HMGCLL1: variants seen among roughly 807,000 people sequenced by gnomAD.
The protein encoded by HMGCLL1 is 3-hydroxymethyl-3-methylglutaryl-CoA lyase, cytoplasmic.
Under a neutral mutation model 39.1 loss-of-function variants are expected in HMGCLL1, and 36 were observed. The observed-to-expected ratio is 0.92, with a 90% CI of 0.71 to 1.22. HMGCLL1 has a LOEUF of 1.22. Among genes scored for constraint, HMGCLL1 ranks in the 50% most tolerant of loss-of-function variants. The pLI is 0.00. For missense variants in HMGCLL1, 451 were observed against 416.5 expected, an observed-to-expected ratio of 1.08 and a Z score of -0.72; for synonymous variants, 149 against 144.0, an observed-to-expected ratio of 1.03 and a Z score of -0.25.
the HMGCLL1 span, among the ~76,000 whole-genome samples, chr6:55,603,967 C>T: frequency 6.6e-6 from 1 of 152,106 alleles, no homozygotes; most frequent in Non-Finnish European, 1.5e-5. Context: ...TCCATAAGTA[C>T]ATACAAAAAT....
At chr6:55,651,664 G>T in the HMGCLL1 span, among the ~76,000 whole-genome samples, 1 of 152,010 alleles carries the variant, frequency 6.6e-6, no homozygotes, top group Non-Finnish European at 1.5e-5. Context: ...AGCTGCCTAG[G>T]AATTGTAGTC....
chr6:55,452,832 A>T (rs983977460), intron 7 of HMGCLL1, among the ~76,000 whole-genome samples: 1 of 152,176 alleles, frequency 6.6e-6, no homozygotes, highest in Non-Finnish European at 1.5e-5. Flanking sequence ...AACTAGCATC[A>T]TTAAGTTAAT....
chr6:55,566,177 T>C (rs537770783), intron 1 of HMGCLL1, among the ~76,000 whole-genome samples: 7 of 152,118 alleles, frequency 4.6e-5, no homozygotes, highest in Non-Finnish European at 7.4e-5. Flanking sequence ...GGGTTACAGA[T>C]GTATGAAAGT....
chr6:55,498,876 C>A (rs1014237983), intron 6 of HMGCLL1, among the ~76,000 whole-genome samples: 8 of 152,092 alleles, frequency 5.3e-5, no homozygotes, highest in African/African-American at 1.9e-4. Flanking sequence ...GCTGCCTAAG[C>A]AACCAAGGAA....
the HMGCLL1 span, among the ~76,000 whole-genome samples, chr6:55,640,074 A>G: frequency 2.6e-5 from 4 of 152,184 alleles, no homozygotes; most frequent in African/African-American, 9.6e-5. Context: ...ATGAAACTCC[A>G]TCTCAAAAAG....
chr6:55,563,961 C>T lies in HMGCLL1; in HGVS notation c.108+14987G>A, dbSNP rs1316631236. 6.2e-6 allele frequency: 6 copies of T among 971,098 alleles called. No individual in the cohort carries two copies. In the Admixed American group the frequency reaches 1.4e-4, roughly 23 times the overall value. The allele number at this position is 971,098 out of a possible 1,614,324, so 60.2% of individuals were successfully genotyped here. A position where few individuals can be genotyped will look rare whatever the true frequency, so the allele number is the denominator to read the frequency against. The stretch of plus-strand genomic sequence containing the variant: ...AGCTGTTGAAACAGGGCATTGAAAA[C>T]TTCTGGCTACCTCAACATTCAGCAC... On this transcript the variant is annotated intron_variant, in intron 1 of 8. Transcript: ENST00000274901.
chr6:55,651,288 G>A, the HMGCLL1 span, among the ~76,000 whole-genome samples: 1 of 152,040 alleles, frequency 6.6e-6, no homozygotes, highest in Non-Finnish European at 1.5e-5. Flanking sequence ...CATGTTAGAC[G>A]AAGTGCAGCT....
chr6:55,457,368 C>T (rs1015605049), intron 7 of HMGCLL1, among the ~76,000 whole-genome samples: 1 of 152,076 alleles, frequency 6.6e-6, no homozygotes, highest in Admixed American at 6.6e-5. Flanking sequence ...TATTCAAAGT[C>T]ATGAAAATAA....
the HMGCLL1 span, among the ~76,000 whole-genome samples, chr6:55,646,546 C>A: frequency 6.6e-6 from 1 of 151,852 alleles, no homozygotes; most frequent in Non-Finnish European, 1.5e-5. Context: ...AAATTTCCCT[C>A]TTAGTACTGC....
rs551817675 is a variant in HMGCLL1 at position 55,480,345 on chromosome 6, T to C, written c.795+15074A>G. 7.3e-5 allele frequency among the ~76,000 whole-genome samples: 11 copies of C among 151,598 alleles called. No individual in the cohort carries two copies. The South Asian group carries it at 2.3e-3, about 31-fold the overall frequency. On this transcript the variant is annotated intron_variant, in intron 7 of 8. Coordinates refer to ENST00000274901, the MANE Select transcript of HMGCLL1 (RefSeq NM_001042406.2). ...AAAGATCTTCTCAAAAGAAGACATA[T>C]AAATGTCAAACAAGCATATGAAAAG... is the stretch of plus-strand genomic sequence containing the variant.
the HMGCLL1 span, among the ~76,000 whole-genome samples, chr6:55,594,852 T>C: frequency 7.9e-5 from 12 of 152,154 alleles, no homozygotes; most frequent in African/African-American, 2.9e-4. Context: ...AAATTATAGC[T>C]CAGATATACA....
the HMGCLL1 span, among the ~76,000 whole-genome samples, chr6:55,629,006 G>T: frequency 6.6e-6 from 1 of 152,048 alleles, no homozygotes; most frequent in East Asian, 1.9e-4. Flanking sequence ...ACAGTAAATT[G>T]GTATCAGTAT....
the HMGCLL1 span, among the ~76,000 whole-genome samples, chr6:55,645,243 G>C: frequency 2.6e-5 from 4 of 151,514 alleles, no homozygotes; most frequent in Non-Finnish European, 5.9e-5. Flanking sequence ...TTTTTATGTT[G>C]ACTTGTTATC....
the HMGCLL1 span, among the ~76,000 whole-genome samples, chr6:55,631,171 G>T: frequency 6.6e-6 from 1 of 151,752 alleles, no homozygotes; most frequent in African/African-American, 2.4e-5. Context: ...GAAAGTTCTC[G>T]GTTATTATGT....
chr6:55,677,892 T>G, the HMGCLL1 span, among the ~76,000 whole-genome samples: 1 of 152,232 alleles, frequency 6.6e-6, no homozygotes, highest in Admixed American at 6.5e-5. Flanking sequence ...GCATCTTGGC[T>G]GCCTCAATGT....
the HMGCLL1 span, among the ~76,000 whole-genome samples, chr6:55,651,378 CCTA>C: frequency 6.6e-6 from 1 of 152,014 alleles, no homozygotes; most frequent in East Asian, 1.9e-4. Context: ...AGAAATGTTA[CCTA>C]TAAGCTAGGG....
At chr6:55,437,655 G>T (rs192864715) in intron 8 of HMGCLL1, among the ~76,000 whole-genome samples, 267 of 152,130 alleles carry the variant, frequency 1.8e-3, no homozygotes, top group South Asian at 0.011. Flanking sequence ...TAGAGCACAG[G>T]CTTCCTTTCA....
At chr6:55,451,872 C>A (rs1162073078) in intron 7 of HMGCLL1, among the ~76,000 whole-genome samples, 4 of 152,126 alleles carry the variant, frequency 2.6e-5, no homozygotes, top group Non-Finnish European at 5.9e-5. Context: ...TGAGAATGTA[C>A]AGACCAGATT....
At chr6:55,456,140 G>GA (rs1208638390) in intron 7 of HMGCLL1, among the ~76,000 whole-genome samples, 3 of 151,844 alleles carry the variant, frequency 2.0e-5, no homozygotes, top group African/African-American at 4.8e-5. Context: ...TAATAGCCAA[G>GA]AAAAAAAAGT....
Sources: allele counts gnomAD v4.1 joint callset (sites outside exome capture counted in the v4.1 genomes callset), GRCh38; gene constraint gnomAD v4.1.1; transcripts MANE v1.5; gene names NCBI Gene and HGNC (gene_info 2026-07-23, HGNC 2026-07-21).